The following ZSWIM6 variants were observed in gnomAD, a reference collection of about 807,000 sequenced individuals.
ZSWIM6 encodes zinc finger SWIM-type containing 6, also known as zinc finger SWIM domain-containing protein 6.
Under a neutral mutation model 113.2 loss-of-function variants are expected in ZSWIM6, and 9 were observed. The observed-to-expected ratio is 0.08, with a 90% CI of 0.05 to 0.14. ZSWIM6 has a LOEUF of 0.14. Among genes scored for constraint, ZSWIM6 ranks in the 10% least tolerant of loss-of-function variants. The pLI is 1.00. For synonymous variants in ZSWIM6, 611 were observed against 606.5 expected (o/e 1.01, Z -0.11); for missense variants, 1,162 against 1,552.2 (o/e 0.75, Z 4.22).
At chr5:61,459,973 A>T (rs1156695807) in intron 1 of ZSWIM6, among the ~76,000 whole-genome samples, 1 of 152,212 alleles carries the variant, frequency 6.6e-6, no homozygotes, top group East Asian at 1.9e-4. Flanking sequence ...ATATTAATAG[A>T]TATTTCTGGT....
chr5:61,492,701 C>G (rs561103939), intron 3 of ZSWIM6, among the ~76,000 whole-genome samples: 8 of 152,078 alleles, frequency 5.3e-5, no homozygotes, highest in African/African-American at 1.9e-4. Flanking sequence ...ACTGAAGTAA[C>G]GCTCTTGTAA....
chr5:61,475,910 T>C (rs1457499307), intron 2 of ZSWIM6, among the ~76,000 whole-genome samples: 1 of 152,226 alleles, frequency 6.6e-6, no homozygotes, highest in Non-Finnish European at 1.5e-5. Flanking sequence ...TCTTGTGTGG[T>C]TTTGTGGATA....
intron 8 of ZSWIM6, among the ~76,000 whole-genome samples, chr5:61,530,588 C>T (rs1282763008): frequency 6.6e-6 from 1 of 152,142 alleles, no homozygotes; most frequent in Non-Finnish European, 1.5e-5. Flanking sequence ...TTGAAAGTGA[C>T]TTGTCACTTA....
At chr5:61,411,570 C>A (rs1244025240) in intron 1 of ZSWIM6, among the ~76,000 whole-genome samples, 1 of 152,234 alleles carries the variant, frequency 6.6e-6, no homozygotes, top group Non-Finnish European at 1.5e-5. Context: ...TTAATCCACT[C>A]AGGCTCCTAT....
intron 1 of ZSWIM6, among the ~76,000 whole-genome samples, chr5:61,422,149 T>G (rs1412147709): frequency 1.3e-5 from 2 of 152,228 alleles, no homozygotes; most frequent in Admixed American, 6.5e-5. Flanking sequence ...CCCAGCCCAG[T>G]GTCCTGGAGA....
At chr5:61,426,118 TCATGAGGCAGTTTAGGCCATTG>T in intron 1 of ZSWIM6, among the ~76,000 whole-genome samples, 1 of 152,216 alleles carries the variant, frequency 6.6e-6, no homozygotes, top group East Asian at 1.9e-4. Flanking sequence ...TTCTCTGACA[TCATGAGGCAGTTTAGGCCATTG>T]CATGATTTGC....
chr5:61,504,611 A>G (rs1182946584), intron 4 of ZSWIM6, among the ~76,000 whole-genome samples: 1 of 152,232 alleles, frequency 6.6e-6, no homozygotes, highest in East Asian at 1.9e-4. Context: ...CAGTTTTCTT[A>G]GAATTCTTAC....
At chr5:61,346,779 T>C (rs1744667823) in intron 1 of ZSWIM6, among the ~76,000 whole-genome samples, 1 of 152,240 alleles carries the variant, frequency 6.6e-6, no homozygotes, top group Non-Finnish European at 1.5e-5. Flanking sequence ...TAAAGAGGCA[T>C]TTTGTTTAAG....
intron 1 of ZSWIM6, among the ~76,000 whole-genome samples, chr5:61,471,474 G>C (rs1747569938): frequency 1.3e-5 from 2 of 152,206 alleles, no homozygotes; most frequent in South Asian, 4.1e-4. Context: ...GCAGTTGATA[G>C]TAAGCTGTAG....
At chr5:61,475,493 A>AGGT (rs1449658413) in intron 2 of ZSWIM6, among the ~76,000 whole-genome samples, 5 of 152,320 alleles carry the variant, frequency 3.3e-5, no homozygotes, top group African/African-American at 9.6e-5. Context: ...GATAGATTGT[A>AGGT]GGTTACCTTT....
intron 4 of ZSWIM6, among the ~76,000 whole-genome samples, chr5:61,497,788 T>C (rs1164265143): frequency 6.6e-6 from 1 of 152,086 alleles, no homozygotes; most frequent in Admixed American, 6.6e-5. Context: ...ATGGTAGAGG[T>C]TGTACGTTTG....
At chr5:61,541,801 T>C (rs1399915922) in intron 12 of ZSWIM6, 83 bp from the exon 13 acceptor site, 7 of 1,110,184 alleles carry the variant, frequency 6.3e-6, no homozygotes, top group Non-Finnish European at 9.2e-6. Context: ...GTATGCCTTA[T>C]ATGCCTTATA....
At position 61,516,360 on chromosome 5, in the gene ZSWIM6, G is replaced by A. The variant is rs1458179703; in HGVS notation, c.1334-4903G>A. The stretch of plus-strand genomic sequence containing the variant: ...TATTTTTGGTGGTATCAGCATTGTA[G>A]TAAACAGACCTAAGCTTTCACAGTC... On this transcript the variant is annotated intron_variant, in intron 4 of 13. Transcript: ENST00000252744. 4.0e-5 allele frequency among the ~76,000 whole-genome samples: 6 copies of A among 148,734 alleles called. No homozygotes were observed. The South Asian group carries it at 8.4e-4, about 21-fold the overall frequency.
chr5:61,415,444 T>C (rs1579984646), intron 1 of ZSWIM6, among the ~76,000 whole-genome samples: 2 of 152,108 alleles, frequency 1.3e-5, no homozygotes, highest in East Asian at 3.9e-4. Flanking sequence ...ATACAAAAAT[T>C]AGCCGGGCGT....
intron 13 of ZSWIM6, 40 bp downstream of exon 13, chr5:61,542,005 A>T: frequency 6.6e-7 from 1 of 1,512,698 alleles, no homozygotes; most frequent in East Asian, 2.5e-5. Context: ...TAGGTGCCTC[A>T]TGGTAGGATT....
chr5:61,426,154 G>T (rs1398733273), intron 1 of ZSWIM6, among the ~76,000 whole-genome samples: 1 of 152,122 alleles, frequency 6.6e-6, no homozygotes, highest in Non-Finnish European at 1.5e-5. Flanking sequence ...GATTTGCAAG[G>T]TTGTAAAGTG....
intron 1 of ZSWIM6, among the ~76,000 whole-genome samples, chr5:61,421,141 A>C (rs985170521): frequency 2.6e-5 from 4 of 152,072 alleles, no homozygotes; most frequent in Admixed American, 6.6e-5. Flanking sequence ...GCTGGTCTCA[A>C]ACTCCTGGCC....
rs35227918 is a variant in ZSWIM6 at position 61,341,873 on chromosome 5, CTTTT to C, written c.676+8946_676+8949del. ...TCCAAACTGTAGTACTCTCTGTAAC[CTTTT>C]TTTTTTTTTTTTTTTTTTTTGAGAT... On this transcript the variant is annotated intron_variant, in intron 1 of 13. Coordinates refer to ENST00000252744, the MANE Select transcript of ZSWIM6 (RefSeq NM_020928.2). 6.1e-3 allele frequency among the ~76,000 whole-genome samples: 580 copies of C among 94,694 alleles called. 1 individual carries two copies. The highest frequency in any genetic ancestry group is 0.021 in the African/African-American group (500 of 23,562). The allele number at this position is 94,694 out of a possible 152,430, so 62.1% of individuals were successfully genotyped here. A position where few individuals can be genotyped will look rare whatever the true frequency, so the allele number is the denominator to read the frequency against.
In ZSWIM6 at chr5:61,535,435, G is replaced by A. The variant is rs567361790; in HGVS notation, c.2246-49G>A. Reference sequence around the variant, plus strand: ...TTTAACAATATGCTTTACAAGAAGTGTTAGTTCATTTTTTAGGAACGTAAA... The same window carrying A: ...TTTAACAATATGCTTTACAAGAAGTATTAGTTCATTTTTTAGGAACGTAAA... On this transcript the variant is annotated intron_variant, in intron 9 of 13. Transcript: ENST00000252744. 6 of 1,544,350 alleles carry A rather than the reference G, an allele frequency of 3.9e-6. No individual in the cohort carries two copies. In the South Asian group the frequency reaches 4.8e-5, roughly 12 times the overall value.
Sources: allele counts gnomAD v4.1 joint callset (sites outside exome capture counted in the v4.1 genomes callset), GRCh38; gene constraint gnomAD v4.1.1; transcripts MANE v1.5; gene names NCBI Gene and HGNC (gene_info 2026-07-23, HGNC 2026-07-21).